PRKD1: variants seen among roughly 807,000 people sequenced by gnomAD.
PRKD1 encodes serine/threonine-protein kinase D1.
Under a neutral mutation model 95.9 loss-of-function variants are expected in PRKD1, and 63 were observed. The ratio of observed to expected loss-of-function variants is 0.66; its 90% confidence interval spans 0.54 to 0.81. PRKD1 has a LOEUF of 0.81. PRKD1 is among the 30% of genes least tolerant of loss of function. The pLI is 0.00. For missense variants in PRKD1, 1,048 were observed against 1,165.3 expected (o/e 0.90, Z 1.47); for synonymous variants, 425 against 423.1 (o/e 1.00, Z -0.05).
intron 6 of PRKD1, among the ~76,000 whole-genome samples, chr14:29,636,984 T>C (rs1880426236): frequency 6.6e-6 from 1 of 152,328 alleles, no homozygotes; most frequent in Non-Finnish European, 1.5e-5. Flanking sequence ...TATGAGAGGT[T>C]GAACATGTAA....
intron 16 of PRKD1, among the ~76,000 whole-genome samples, chr14:29,578,687 C>A (rs564528201): frequency 6.6e-6 from 1 of 151,052 alleles, no homozygotes. Flanking sequence ...ATATGTACAT[C>A]ATTTAAATAT....
rs138156396 is a variant in PRKD1, at chr14:29,579,396, T to C, written c.2435-1036A>G. On this transcript the variant is annotated intron_variant, in intron 16 of 17. Transcript: ENST00000331968. ...TATTTCAAAGAGTTAATTTTTGCCC[T>C]TAACCTACCCTAGGCATTATGTCTG... Among the ~76,000 whole-genome samples, 3 of 152,274 alleles carry C rather than the reference T, an allele frequency of 2.0e-5. No individual in the cohort carries two copies. The East Asian group carries it at 5.8e-4, about 29-fold the overall frequency.
At chr14:29,603,319 TAG>T (rs1893590305) in intron 13 of PRKD1, among the ~76,000 whole-genome samples, 1 of 152,232 alleles carries the variant, frequency 6.6e-6, no homozygotes, top group Admixed American at 6.5e-5. Flanking sequence ...AAGGCCATCA[TAG>T]ATACTTACTT....
intron 1 of PRKD1, among the ~76,000 whole-genome samples, chr14:29,895,238 A>AC (rs1195551922): frequency 1.3e-5 from 2 of 151,868 alleles, no homozygotes; most frequent in African/African-American, 2.4e-5. Context: ...ACTCGCTTGA[A>AC]CCCGGGAGGC....
chr14:29,644,525 T>G (rs1292045357), intron 4 of PRKD1, among the ~76,000 whole-genome samples: 2 of 152,096 alleles, frequency 1.3e-5, no homozygotes, highest in Admixed American at 6.6e-5. Context: ...ATCTTTTAGT[T>G]TTTCAAAAGA....
chr14:29,774,186 G>A (rs935397256), intron 1 of PRKD1, among the ~76,000 whole-genome samples: 2 of 152,210 alleles, frequency 1.3e-5, no homozygotes, highest in African/African-American at 4.8e-5. Flanking sequence ...CAAAAGACAG[G>A]AAGCTAGTGT....
intron 1 of PRKD1, among the ~76,000 whole-genome samples, chr14:29,729,859 T>C (rs1886345843): frequency 6.6e-6 from 1 of 152,034 alleles, no homozygotes; most frequent in African/African-American, 2.4e-5. Context: ...ATTCAAAATA[T>C]TTTCTATCAT....
chr14:29,870,231 C>A (rs965074002), intron 1 of PRKD1, among the ~76,000 whole-genome samples: 4 of 152,126 alleles, frequency 2.6e-5, no homozygotes, highest in African/African-American at 9.7e-5. Flanking sequence ...AAAATCAGAA[C>A]CTACAGTTCA....
chr14:29,702,679 G>A (rs116145099), intron 2 of PRKD1, among the ~76,000 whole-genome samples: 285 of 152,144 alleles, frequency 1.9e-3, no homozygotes, highest in African/African-American at 6.4e-3. Context: ...GTTATGCATA[G>A]TATTATCTTT....
chr14:29,873,168 C>T (rs1166082259), intron 1 of PRKD1, among the ~76,000 whole-genome samples: 1 of 152,146 alleles, frequency 6.6e-6, no homozygotes, highest in African/African-American at 2.4e-5. Flanking sequence ...TCACTGCAAC[C>T]TCCACCTCCC....
intron 2 of PRKD1, among the ~76,000 whole-genome samples, chr14:29,714,109 A>G (rs944105341): frequency 6.6e-6 from 1 of 152,220 alleles, no homozygotes; most frequent in African/African-American, 2.4e-5. Context: ...TCTACAAATT[A>G]GATTTGAGAG....
intron 1 of PRKD1, among the ~76,000 whole-genome samples, chr14:29,731,242 C>CA (rs1411605466): frequency 8.5e-5 from 13 of 152,258 alleles, no homozygotes; most frequent in Admixed American, 5.9e-4. Flanking sequence ...TCCAAATACT[C>CA]AGAGATTTTT....
chr14:29,597,217 C>T (rs943250781), intron 16 of PRKD1, among the ~76,000 whole-genome samples: 17 of 152,106 alleles, frequency 1.1e-4, no homozygotes, highest in Non-Finnish European at 1.9e-4. Context: ...TTCATTATTA[C>T]TATTATATTA....
chr14:29,612,361 A>C (rs1325280987), intron 13 of PRKD1, among the ~76,000 whole-genome samples: 2 of 152,208 alleles, frequency 1.3e-5, no homozygotes, highest in African/African-American at 4.8e-5. Context: ...CTTGATGAAA[A>C]AATGTGTTTT....
chr14:29,631,520 GA>G (rs1322908476), intron 9 of PRKD1, among the ~76,000 whole-genome samples: 1 of 143,556 alleles, frequency 7.0e-6, no homozygotes, highest in Non-Finnish European at 1.5e-5. Flanking sequence ...TTTTTTCCAA[GA>G]AAGAATCTTG....
At chr14:29,750,616 G>GCGCGCGCACACACA (rs72239992) in intron 1 of PRKD1, among the ~76,000 whole-genome samples, 81 of 148,480 alleles carry the variant, frequency 5.5e-4, no homozygotes, top group African/African-American at 1.7e-3. Context: ...ATGAACGCGC[G>GCGCGCGCACACACA]CACACACACA....
At chr14:29,752,745 C>T (rs2139464290) in intron 1 of PRKD1, among the ~76,000 whole-genome samples, 1 of 152,114 alleles carries the variant, frequency 6.6e-6, no homozygotes, top group East Asian at 1.9e-4. Context: ...TTTAATTTCA[C>T]TTTTCTGTTT....
intron 1 of PRKD1, among the ~76,000 whole-genome samples, chr14:29,908,871 T>C (rs1594619926): frequency 6.6e-6 from 1 of 152,292 alleles, no homozygotes; most frequent in Admixed American, 6.5e-5. Context: ...GGGCACCTCC[T>C]TGGCCTCAGC....
At chr14:29,723,696 A>C (rs1886011307) in intron 2 of PRKD1, among the ~76,000 whole-genome samples, 1 of 136,572 alleles carries the variant, frequency 7.3e-6, no homozygotes, top group Non-Finnish European at 1.6e-5. Flanking sequence ...TGTGTGTGTA[A>C]TTGATATACT....
Sources: allele counts gnomAD v4.1 joint callset (sites outside exome capture counted in the v4.1 genomes callset), GRCh38; gene constraint gnomAD v4.1.1; transcripts MANE v1.5; gene names NCBI Gene and HGNC (gene_info 2026-07-23, HGNC 2026-07-21).